KIF5C: variants seen among roughly 807,000 people sequenced by gnomAD.
KIF5C encodes the protein kinesin heavy chain isoform 5C.
A neutral mutation model predicts 125.2 loss-of-function variants in KIF5C; 18 were observed. The observed-to-expected ratio is 0.14, with a 90% CI of 0.10 to 0.21. KIF5C has a LOEUF of 0.21. KIF5C is among the 10% of genes least tolerant of loss of function. The probability of loss-of-function intolerance (pLI) is 1.00; values close to 1 mark genes in which losing one functional copy is unlikely to be tolerated. For missense variants in KIF5C, 780 were observed against 1,183.8 expected (o/e 0.66, Z 5.01); for synonymous variants, 405 against 434.0 (o/e 0.93, Z 0.83).
At chr2:148,948,980 G>C (rs183139625) in intron 8 of KIF5C, among the ~76,000 whole-genome samples, 216 of 152,276 alleles carry the variant, frequency 1.4e-3, no homozygotes, top group African/African-American at 5.0e-3. Flanking sequence ...ATTCATTTCT[G>C]TCATCAGGAG....
chr2:149,003,485 C>G (rs964341534), intron 21 of KIF5C, among the ~76,000 whole-genome samples: 2 of 152,232 alleles, frequency 1.3e-5, no homozygotes, highest in African/African-American at 4.8e-5. Flanking sequence ...GACTTGTATT[C>G]CCTCCTTGCT....
Position 148,875,425 on chromosome 2 carries a change from T to C in KIF5C, c.-193T>C. On this transcript the variant is annotated 5_prime_UTR_variant, in exon 1 of 26. Coordinates refer to ENST00000435030, the MANE Select transcript of KIF5C (RefSeq NM_004522.3). ...GCCGGAGGGGCCGGAGCGGAGAAGC[T>C]GCCCACCTTCCCGGGCTCGGAGCGG... The C allele has an allele frequency of 1.8e-6, 1 of 550,820 alleles. No individual in the cohort carries two copies. Among genetic ancestry groups the C allele is most frequent in the Non-Finnish European group, 3.2e-6 (1 of 314,468 alleles). 34.1% of individuals were successfully genotyped at this position (550,820 alleles called of 1,614,324 possible). A position where few individuals can be genotyped will look rare whatever the true frequency, so the allele number is the denominator to read the frequency against.
At chr2:148,919,734 A>C (rs936714414) in intron 1 of KIF5C, among the ~76,000 whole-genome samples, 1 of 152,202 alleles carries the variant, frequency 6.6e-6, no homozygotes, top group African/African-American at 2.4e-5. Flanking sequence ...ATTCTGATCA[A>C]TCTCTTCCGA....
chr2:148,992,996 C>G (rs1681566766), intron 16 of KIF5C, among the ~76,000 whole-genome samples: 1 of 152,196 alleles, frequency 6.6e-6, no homozygotes. Context: ...CATACCAGCT[C>G]CATGTCCAAC....
At chr2:148,971,004 C>G (rs961564243) in intron 11 of KIF5C, among the ~76,000 whole-genome samples, 1 of 152,118 alleles carries the variant, frequency 6.6e-6, no homozygotes, top group Non-Finnish European at 1.5e-5. Flanking sequence ...CTTTGTCATG[C>G]GTAAGCTGAA....
At chr2:148,951,354 A>T (rs192404222) in intron 10 of KIF5C, among the ~76,000 whole-genome samples, 1 of 152,304 alleles carries the variant, frequency 6.6e-6, no homozygotes, top group Admixed American at 6.5e-5. Context: ...GATCCCTGGG[A>T]GGTGTCCATA....
At chr2:149,000,815 C>T (rs1363261859) in intron 21 of KIF5C, 33 bp downstream of exon 21, 2 of 1,609,530 alleles carry the variant, frequency 1.2e-6, no homozygotes, top group Admixed American at 3.4e-5. Context: ...TTATGTTTGT[C>T]TCCAAGACCG....
chr2:148,875,582 ACC>A lies in KIF5C; in HGVS notation c.-34_-33del. Reference sequence around the variant, plus strand: ...TCGTCGTTCCCGGCCCCGGCCCCCCACCCATCCCCGTGCCCCCTCCCTACCGC... The same window carrying A: ...TCGTCGTTCCCGGCCCCGGCCCCCCACATCCCCGTGCCCCCTCCCTACCGC... On this transcript the variant is annotated 5_prime_UTR_variant, in exon 1 of 26. Transcript: ENST00000435030. The A allele has an allele frequency of 3.6e-6, 1 of 277,684 alleles. No homozygotes were observed. Among genetic ancestry groups the A allele is most frequent in the African/African-American group, 5.1e-5 (1 of 19,590 alleles). 17.2% of individuals were successfully genotyped at this position (277,684 alleles called of 1,614,324 possible).
At chr2:148,964,340 A>T (rs1682999808) in intron 11 of KIF5C, among the ~76,000 whole-genome samples, 1 of 152,080 alleles carries the variant, frequency 6.6e-6, no homozygotes, top group Non-Finnish European at 1.5e-5. Context: ...ATCCTACATG[A>T]GCCTTTAAGT....
At chr2:148,894,957 T>A (rs1179356141) in intron 1 of KIF5C, among the ~76,000 whole-genome samples, 2 of 150,578 alleles carry the variant, frequency 1.3e-5, no homozygotes, top group African/African-American at 4.9e-5. Context: ...TCTAACACCT[T>A]ACTTTTATAA....
At chr2:148,896,813 A>G (rs1241571465) in intron 1 of KIF5C, among the ~76,000 whole-genome samples, 5 of 139,108 alleles carry the variant, frequency 3.6e-5, no homozygotes, top group African/African-American at 1.2e-4. Flanking sequence ...CTATGAGATC[A>G]TGATCCTTCC....
At chr2:148,961,949 C>CCCCTTATGTTTTTAAT in intron 10 of KIF5C, 22 bp from the exon 11 acceptor site, 6 of 1,603,230 alleles carry the variant, frequency 3.7e-6, no homozygotes, top group Non-Finnish European at 5.1e-6. Context: ...GCTGAATTGT[C>CCCCTTATGTTTTTAAT]CCCTTATGTT....
chr2:148,918,897 G>C (rs1204984033), intron 1 of KIF5C, among the ~76,000 whole-genome samples: 1 of 152,238 alleles, frequency 6.6e-6, no homozygotes, highest in East Asian at 1.9e-4. Context: ...GTGTAGAAGA[G>C]ACTAATGGAG....
chr2:148,928,151 A>G (rs1682074817), intron 2 of KIF5C, among the ~76,000 whole-genome samples: 1 of 152,228 alleles, frequency 6.6e-6, no homozygotes, highest in Admixed American at 6.5e-5. Flanking sequence ...AAGCAAACCT[A>G]TCAAAGCAAA....
At chr2:148,953,418 T>A (rs1258244821) in intron 10 of KIF5C, among the ~76,000 whole-genome samples, 2 of 152,206 alleles carry the variant, frequency 1.3e-5, no homozygotes, top group African/African-American at 4.8e-5. Context: ...ATGGATTATT[T>A]AAGGATGCTG....
intron 1 of KIF5C, among the ~76,000 whole-genome samples, chr2:148,896,330 A>T (rs1199580364): frequency 6.6e-6 from 1 of 152,226 alleles, no homozygotes; most frequent in Non-Finnish European, 1.5e-5. Flanking sequence ...TAGAGAGGCC[A>T]CGTCAGCAGC....
In KIF5C at chr2:148,981,381, T is replaced by C; in HGVS notation, c.1389T>C (p.Tyr463=). 1 of 1,611,206 alleles carries C rather than the reference T, an allele frequency of 6.2e-7. No individual in the cohort carries two copies. The change falls in exon 14 of 26, where the codon TAT becomes TAC. Residue 463 remains tyrosine, a synonymous_variant. Coordinates refer to ENST00000435030, the MANE Select transcript of KIF5C (RefSeq NM_004522.3). ...DELLASTRRD[Y]EKIQEELTRL... is the part of the protein sequence containing the mutation. ...TTTTAGCTTCCACAAGAAGAGACTA[T>C]GAGAAGATACAGGAGGAGCTGACAC...
intron 8 of KIF5C, among the ~76,000 whole-genome samples, chr2:148,948,319 T>C (rs1437763923): frequency 6.7e-6 from 1 of 149,710 alleles, no homozygotes; most frequent in Non-Finnish European, 1.5e-5. Flanking sequence ...ATCGTGCCAC[T>C]GCACTCCAGC....
chr2:148,942,102 T>A, intron 6 of KIF5C, 112 bp downstream of exon 6: 1 of 1,180,494 alleles, frequency 8.5e-7, no homozygotes. Context: ...TAGGCATTTA[T>A]TCAGGCTCCT....
Sources: gnomAD v4.1 joint callset for allele counts (sites outside exome capture counted in the v4.1 genomes callset) on GRCh38, gnomAD v4.1.1 for gene constraint, MANE v1.5 for transcripts, NCBI Gene and HGNC (gene_info 2026-07-23, HGNC 2026-07-21) for gene names.